Variants in PTPRU observed in about 807,000 individuals in gnomAD.
PTPRU encodes receptor-type tyrosine-protein phosphatase U.
Under a neutral mutation model 166.3 loss-of-function variants are expected in PTPRU, and 69 were observed. That is an observed-to-expected ratio of 0.41 (90% CI 0.34 to 0.51). The LOEUF is 0.51. Among genes scored for constraint, PTPRU ranks in the 20% least tolerant of loss-of-function variants. The probability of loss-of-function intolerance (pLI) is 0.09; values close to 1 mark genes in which losing one functional copy is unlikely to be tolerated. For missense variants in PTPRU, 1,657 were observed against 2,013.7 expected (o/e 0.82, Z 3.39); for synonymous variants, 793 against 814.0 (o/e 0.97, Z 0.44).
At chr1:29,275,384 G>T in intron 7 of PTPRU, 64 bp from the exon 8 acceptor site, 10 of 1,464,668 alleles carry the variant, frequency 6.8e-6, no homozygotes, top group Non-Finnish European at 9.3e-6. Flanking sequence ...TTCTCTCCCT[G>T]TTCTTCTTCC....
rs763830861 is a variant in PTPRU, at chr1:29,284,882, G to A, written c.2318+13G>A. 1.3e-5 allele frequency: 21 copies of A among 1,599,966 alleles called. No individual in the cohort carries two copies. The highest frequency in any genetic ancestry group is 1.7e-4 in the Middle Eastern group (1 of 6,008). ...TCATCCGCAAAGGGTGAGTGAGGCC[G>A]GTGCCCTGTCCCACCAGTGGCTTCT... On this transcript the variant is annotated intron_variant, in intron 14 of 29. Transcript: ENST00000373779.
intron 7 of PTPRU, among the ~76,000 whole-genome samples, chr1:29,269,873 T>C (rs1345885295): frequency 6.6e-6 from 1 of 152,078 alleles, no homozygotes; most frequent in African/African-American, 2.4e-5. Context: ...GCATTTCGTA[T>C]GCTGCTTCAT....
At chr1:29,266,735 G>T (rs891822689) in intron 7 of PTPRU, among the ~76,000 whole-genome samples, 2 of 152,130 alleles carry the variant, frequency 1.3e-5, no homozygotes, top group African/African-American at 2.4e-5. Context: ...GGTTGGTAGG[G>T]ATATATGACT....
At chr1:29,316,507 G>T (rs546877829) in intron 24 of PTPRU, among the ~76,000 whole-genome samples, 1 of 152,242 alleles carries the variant, frequency 6.6e-6, no homozygotes, top group East Asian at 1.9e-4. Context: ...GTATTCATTG[G>T]GATTCTTTTG....
chr1:29,304,584 G>T (rs943195994), intron 16 of PTPRU, among the ~76,000 whole-genome samples, 190 bp from the exon 17 acceptor site: 8 of 151,808 alleles, frequency 5.3e-5, no homozygotes, highest in Admixed American at 1.3e-4. Flanking sequence ...ACATGCCTTG[G>T]TTTTGACCCT....
intron 18 of PTPRU, chr1:29,307,011 G>A: frequency 1.0e-5 from 12 of 1,182,618 alleles, no homozygotes; most frequent in Middle Eastern, 3.9e-4. Context: ...TCTCCGCTCT[G>A]CCTGCCCTGC....
intron 13 of PTPRU, 145 bp from the exon 14 acceptor site, chr1:29,284,586 A>G: frequency 9.1e-7 from 1 of 1,104,674 alleles, no homozygotes; most frequent in Non-Finnish European, 1.3e-6. Flanking sequence ...GTGAGGAGGT[A>G]GATTTGCTCA....
chr1:29,261,342 T>C lies in PTPRU; in HGVS notation c.1144+439T>C, dbSNP rs1439674487. 3.3e-5 allele frequency among the ~76,000 whole-genome samples: 5 copies of C among 152,298 alleles called. No individual in the cohort carries two copies. The South Asian group carries it at 8.3e-4, about 25-fold the overall frequency. Reference sequence around the variant, plus strand: ...AACTAAATACCATCAAATACAAGTATATTATACATTCTAGCTGGTTTCTCT... The same window carrying C: ...AACTAAATACCATCAAATACAAGTACATTATACATTCTAGCTGGTTTCTCT... On this transcript the variant is annotated intron_variant, in intron 7 of 29. Coordinates refer to ENST00000373779, the MANE Select transcript of PTPRU (RefSeq NM_133178.4).
chr1:29,240,647 T>A (rs1684007853), intron 1 of PTPRU, among the ~76,000 whole-genome samples: 1 of 152,148 alleles, frequency 6.6e-6, no homozygotes, highest in Admixed American at 6.5e-5. Context: ...ACGGGCCTCC[T>A]GCCTGCCAGC....
chr1:29,259,392 C>A (rs542962533), intron 4 of PTPRU, 50 bp downstream of exon 4: 100 of 1,608,748 alleles, frequency 6.2e-5, no homozygotes, highest in Non-Finnish European at 7.6e-5. Flanking sequence ...TGGGCGGCCG[C>A]GGCTCCTGCC....
At chr1:29,306,003 C>T (rs2151964310) in intron 18 of PTPRU, among the ~76,000 whole-genome samples, 1 of 152,348 alleles carries the variant, frequency 6.6e-6, no homozygotes, top group African/African-American at 2.4e-5. Context: ...ACCATGACCT[C>T]ACTTTACAGG....
At chr1:29,277,937 G>A (rs1685891786) in intron 8 of PTPRU, among the ~76,000 whole-genome samples, 1 of 146,842 alleles carries the variant, frequency 6.8e-6, no homozygotes, top group Non-Finnish European at 1.5e-5. Flanking sequence ...TCCCACCTCA[G>A]CCTGTCGAGT....
intron 15 of PTPRU, among the ~76,000 whole-genome samples, chr1:29,302,013 T>C (rs576966228): frequency 2.0e-5 from 3 of 152,166 alleles, no homozygotes; most frequent in Non-Finnish European, 4.4e-5. Flanking sequence ...TTCCAAGTCT[T>C]AGAAGGCAAC....
intron 7 of PTPRU, among the ~76,000 whole-genome samples, chr1:29,263,227 C>T (rs899501869): frequency 8.5e-5 from 13 of 152,278 alleles, no homozygotes; most frequent in Admixed American, 7.2e-4. Context: ...TGAGGTGATC[C>T]GCCTGCCTTA....
intron 2 of PTPRU, 132 bp downstream of exon 2, chr1:29,255,538 C>T (rs1226605116): frequency 7.6e-6 from 10 of 1,320,476 alleles, no homozygotes; most frequent in East Asian, 2.4e-5. Flanking sequence ...TAATGACATA[C>T]GTGACACTGA....
chr1:29,284,752 G>C lies in PTPRU; in HGVS notation c.2201G>C (p.Arg734Pro), dbSNP rs752250395. Residue 734 changes from arginine (R) to proline (P), a missense_variant, in exon 14 of 30, where the codon CGG becomes CCG. Physicochemically the swap from Arg to Pro is moderately radical, Grantham distance 103. This residue lies in a region of PTPRU where 1,190 missense variants were observed against 1,477.4 expected (regional missense o/e 0.81). Coordinates refer to ENST00000373779, the MANE Select transcript of PTPRU (RefSeq NM_133178.4). ...CCAGCTGCCTGCAAGGAAAGCAAGCGGCCCCTGGAGGTGTCCCAGAGATCG... is the reference window on the plus strand; with the variant it reads ...CCAGCTGCCTGCAAGGAAAGCAAGCCGCCCCTGGAGGTGTCCCAGAGATCG... Reference protein sequence around the residue: ...ARKAACKESKRPLEVSQRSEE... With the variant: ...ARKAACKESKPPLEVSQRSEE... 3 of 1,613,936 alleles carry C rather than the reference G, an allele frequency of 1.9e-6. No homozygotes were observed. Among genetic ancestry groups the C allele is most frequent in the Admixed American group, 3.3e-5 (2 of 59,990 alleles).
At chr1:29,313,263 C>T (rs1687752393) in intron 22 of PTPRU, among the ~76,000 whole-genome samples, 1 of 152,142 alleles carries the variant, frequency 6.6e-6, no homozygotes, top group Admixed American at 6.5e-5. Context: ...CTGTCTCCCC[C>T]TGGAGAGCGT....
At chr1:29,268,549 T>G (rs1306067067) in intron 7 of PTPRU, among the ~76,000 whole-genome samples, 2 of 152,206 alleles carry the variant, frequency 1.3e-5, no homozygotes, top group African/African-American at 4.8e-5. Flanking sequence ...TCCTTAGATT[T>G]TTAGGGAATA....
Position 29,260,902 on chromosome 1 carries a change from A to T in PTPRU, c.1143A>T (p.Ala381=). 1 of 1,559,020 alleles carries T rather than the reference A, an allele frequency of 6.4e-7. No homozygotes were observed. Residue 381 remains alanine (A), a splice_region_variant and synonymous_variant, in exon 7 of 30, where the codon GCA becomes GCT. Transcript: ENST00000373779. The surrounding 1 kb of genome is among the most constrained non-coding windows in gnomAD (Gnocchi z 8.3). ...GPPLISRTKC[A]EPMRAPKGLA... is the part of the protein sequence containing the mutation. Reference sequence around the variant, plus strand: ...CCCTCATCAGCCGCACCAAATGCGCAGGTGGGTGCAGCAGCTACCCCTGGC... The same window carrying T: ...CCCTCATCAGCCGCACCAAATGCGCTGGTGGGTGCAGCAGCTACCCCTGGC...
Sources: allele counts gnomAD v4.1 joint callset (sites outside exome capture counted in the v4.1 genomes callset), GRCh38; gene constraint gnomAD v4.1.1; regional missense constraint gnomAD v4.1.1; non-coding constraint Gnocchi (gnomAD v3.1); transcripts MANE v1.5; gene names NCBI Gene and HGNC (gene_info 2026-07-23, HGNC 2026-07-21).